The following LARGE1 variants were observed in gnomAD, a reference collection of about 807,000 sequenced individuals.
LARGE1 encodes the protein LARGE xylosyl- and glucuronyltransferase 1.
In LARGE1, 43 loss-of-function variants were observed where a neutral mutation model predicts 87.6. That is an observed-to-expected ratio of 0.49 (90% CI 0.38 to 0.63). The LOEUF (loss-of-function observed/expected upper bound fraction) is 0.63, where lower values mean the gene tolerates loss of function less well. LARGE1 is among the 30% of genes least tolerant of loss of function. The probability of loss-of-function intolerance (pLI) is 0.00; values close to 1 mark genes in which losing one functional copy is unlikely to be tolerated. For missense variants in LARGE1, 802 were observed against 1,000.2 expected, an observed-to-expected ratio of 0.80 and a Z score of 2.67; for synonymous variants, 434 against 394.6, an observed-to-expected ratio of 1.10 and a Z score of -1.18.
chr22:33,446,858 T>G (rs2067705502), intron 6 of LARGE1, among the ~76,000 whole-genome samples: 1 of 152,150 alleles, frequency 6.6e-6, no homozygotes, highest in African/African-American at 2.4e-5. Context: ...ACGGCAGTGT[T>G]GAGACTAGGT....
At chr22:33,880,643 T>C (rs2064650449) in intron 1 of LARGE1, among the ~76,000 whole-genome samples, 1 of 152,182 alleles carries the variant, frequency 6.6e-6, no homozygotes, top group Admixed American at 6.5e-5. Context: ...AATGATGTGT[T>C]CTTTCCTCTG....
intron 8 of LARGE1, 48 bp from the exon 9 acceptor site, chr22:33,382,092 G>A (rs914968961): frequency 2.5e-6 from 4 of 1,611,560 alleles, no homozygotes; most frequent in Non-Finnish European, 3.4e-6. Context: ...GGATGGTCCA[G>A]CTGCCCATTT....
At chr22:33,345,910 C>G (rs970089918) in intron 9 of LARGE1, among the ~76,000 whole-genome samples, 1 of 152,160 alleles carries the variant, frequency 6.6e-6, no homozygotes, top group Non-Finnish European at 1.5e-5. Context: ...GAAATCAGAG[C>G]CTGTGTGCAA....
chr22:33,777,979 A>C (rs993291089), intron 1 of LARGE1, among the ~76,000 whole-genome samples: 1 of 152,186 alleles, frequency 6.6e-6, no homozygotes, highest in East Asian at 1.9e-4. Flanking sequence ...GACTGGTCTC[A>C]TGCTTTAGAG....
chr22:33,864,724 G>T (rs1212570114), intron 1 of LARGE1, among the ~76,000 whole-genome samples: 1 of 152,182 alleles, frequency 6.6e-6, no homozygotes, highest in Non-Finnish European at 1.5e-5. Context: ...AAGACATATA[G>T]ATTTAAGTGG....
At chr22:33,607,569 G>C (rs538710392) in intron 4 of LARGE1, among the ~76,000 whole-genome samples, 8 of 151,974 alleles carry the variant, frequency 5.3e-5, no homozygotes, top group African/African-American at 1.9e-4. Flanking sequence ...AAAAAAGAGG[G>C]AGGAGCAGAA....
chr22:33,688,650 C>T (rs980699708), intron 2 of LARGE1, among the ~76,000 whole-genome samples: 6 of 152,160 alleles, frequency 3.9e-5, no homozygotes, highest in Middle Eastern at 3.4e-3. Context: ...CGCACCCGGC[C>T]CTGCATTGTT....
chr22:33,638,417 C>T (rs982111346), intron 3 of LARGE1, among the ~76,000 whole-genome samples: 11 of 152,144 alleles, frequency 7.2e-5, no homozygotes, highest in African/African-American at 1.9e-4. Flanking sequence ...CACTGAGGAA[C>T]GATTACCTCA....
At chr22:33,898,145 A>AAACTTTT (rs1398518206) in intron 1 of LARGE1, among the ~76,000 whole-genome samples, 2 of 152,218 alleles carry the variant, frequency 1.3e-5, no homozygotes, top group African/African-American at 4.8e-5. Flanking sequence ...AGGCCCCAAG[A>AAACTTTT]AAGCTTGAGC....
intron 11 of LARGE1, among the ~76,000 whole-genome samples, chr22:33,209,889 T>G (rs1924871481): frequency 6.6e-6 from 1 of 152,134 alleles, no homozygotes; most frequent in African/African-American, 2.4e-5. Flanking sequence ...CCTCAAGGGA[T>G]CCTCCCACTT....
chr22:33,648,519 C>A (rs2080690549), intron 3 of LARGE1, among the ~76,000 whole-genome samples: 1 of 152,178 alleles, frequency 6.6e-6, no homozygotes, highest in Non-Finnish European at 1.5e-5. Flanking sequence ...TAAACCAACA[C>A]CATGGCTGTG....
intron 8 of LARGE1, among the ~76,000 whole-genome samples, chr22:33,382,250 C>T (rs2065184291): frequency 6.6e-6 from 1 of 152,150 alleles, no homozygotes; most frequent in African/African-American, 2.4e-5. Context: ...GGGGGAATGT[C>T]CCAGGCTGAC....
intron 6 of LARGE1, among the ~76,000 whole-genome samples, chr22:33,463,458 A>G (rs2068460573): frequency 6.6e-6 from 1 of 152,232 alleles, no homozygotes; most frequent in African/African-American, 2.4e-5. Context: ...GATATTAAAG[A>G]ACAAATAAAA....
At chr22:33,079,507 G>A in the LARGE1 span, among the ~76,000 whole-genome samples, 7 of 152,110 alleles carry the variant, frequency 4.6e-5, no homozygotes, top group South Asian at 4.2e-4. Context: ...GATTGCAGGC[G>A]TGAGCCACCA....
At chr22:33,102,458 A>T in the LARGE1 span, among the ~76,000 whole-genome samples, 2 of 151,986 alleles carry the variant, frequency 1.3e-5, no homozygotes, top group South Asian at 2.1e-4. Flanking sequence ...GGTATGAGCC[A>T]CTGCACCTGG....
At chr22:33,160,600 T>C (rs569884001), downstream of LARGE1, among the ~76,000 whole-genome samples, 1 of 152,382 alleles carries the variant, frequency 6.6e-6, no homozygotes, top group South Asian at 2.1e-4. Flanking sequence ...CTGTGACAGA[T>C]GCTCTGTGTT....
At chr22:33,583,697 C>A (rs2078586173) in intron 5 of LARGE1, among the ~76,000 whole-genome samples, 1 of 152,150 alleles carries the variant, frequency 6.6e-6, no homozygotes, top group Non-Finnish European at 1.5e-5. Context: ...GTTCAATTTT[C>A]CAAATATAAG....
intron 6 of LARGE1, among the ~76,000 whole-genome samples, chr22:33,475,401 T>C (rs1374505999): frequency 2.6e-5 from 4 of 151,956 alleles, no homozygotes; most frequent in Admixed American, 6.6e-5. Flanking sequence ...TAGTACCTAC[T>C]TGATAATCAG....
chr22:33,799,597 C>G (rs1316469618), intron 1 of LARGE1, among the ~76,000 whole-genome samples: 1 of 152,048 alleles, frequency 6.6e-6, no homozygotes, highest in African/African-American at 2.4e-5. Flanking sequence ...TGCACCACCA[C>G]GCCCGGCTAA....
Sources: gnomAD v4.1 joint callset for allele counts (sites outside exome capture counted in the v4.1 genomes callset) on GRCh38, gnomAD v4.1.1 for gene constraint, MANE v1.5 for transcripts, NCBI Gene and HGNC (gene_info 2026-07-23, HGNC 2026-07-21) for gene names.